The following DYNC1I1 variants were observed in gnomAD, a reference collection of about 807,000 sequenced individuals.
DYNC1I1 encodes the protein dynein cytoplasmic 1 intermediate chain 1, also known as cytoplasmic dynein 1 intermediate chain 1.
A neutral mutation model predicts 86.6 loss-of-function variants in DYNC1I1; 43 were observed. The ratio of observed to expected loss-of-function variants is 0.50; its 90% confidence interval spans 0.39 to 0.64. DYNC1I1 has a LOEUF of 0.64. Ranked by LOEUF, DYNC1I1 falls within the 30% of genes least tolerant of loss-of-function variation. The probability of loss-of-function intolerance (pLI) is 0.00; values close to 1 mark genes in which losing one functional copy is unlikely to be tolerated. For missense variants in DYNC1I1, 604 were observed against 788.8 expected (o/e 0.77, Z 2.81); for synonymous variants, 262 against 283.7 (o/e 0.92, Z 0.77).
rs1473443488 is a variant in DYNC1I1, at chr7:96,098,018, G to A, written c.*425G>A. On this transcript the variant is annotated 3_prime_UTR_variant, in exon 17 of 17. Coordinates refer to ENST00000447467, the MANE Select transcript of DYNC1I1 (RefSeq NM_001135556.2). ...TGGTACAGGGCCAAAGACTTGAGACGTGGTGTTTTACATGGTGACTCACAT... is the reference window on the plus strand; with the variant it reads ...TGGTACAGGGCCAAAGACTTGAGACATGGTGTTTTACATGGTGACTCACAT... 2.4e-5 allele frequency: 24 copies of A among 990,794 alleles called. No homozygotes were observed. Among genetic ancestry groups the A allele is most frequent in the Non-Finnish European group, 2.8e-5 (23 of 832,952 alleles). 61.4% of individuals were successfully genotyped at this position (990,794 alleles called of 1,614,324 possible).
chr7:96,082,571 T>C (rs1430817358), intron 16 of DYNC1I1, among the ~76,000 whole-genome samples: 1 of 152,220 alleles, frequency 6.6e-6, no homozygotes, highest in African/African-American at 2.4e-5. Context: ...ATCTGTTTTA[T>C]ATTTTAAAAG....
At chr7:95,932,036 A>G (rs1228701314) in intron 6 of DYNC1I1, among the ~76,000 whole-genome samples, 1 of 152,214 alleles carries the variant, frequency 6.6e-6, no homozygotes, top group African/African-American at 2.4e-5. Flanking sequence ...ATGGTATTAT[A>G]TAGTACATAT....
chr7:96,099,872 A>G (rs541635018), downstream of DYNC1I1, among the ~76,000 whole-genome samples: 1 of 152,240 alleles, frequency 6.6e-6, no homozygotes, highest in South Asian at 2.1e-4. Flanking sequence ...GGCACAATCA[A>G]TCTTGGTCCC....
intron 6 of DYNC1I1, among the ~76,000 whole-genome samples, chr7:95,940,084 T>C (rs1275432689): frequency 2.0e-5 from 3 of 152,338 alleles, no homozygotes; most frequent in Admixed American, 1.3e-4. Context: ...TATGAAATTC[T>C]GGGTTGAAAA....
intron 14 of DYNC1I1, among the ~76,000 whole-genome samples, chr7:96,049,857 C>T (rs1350283604): frequency 1.3e-5 from 2 of 151,842 alleles, no homozygotes; most frequent in Non-Finnish European, 2.9e-5. Context: ...CATGGTGAAA[C>T]CCCGTCCCTA....
chr7:95,810,358 G>A, intron 2 of DYNC1I1, 34 bp from the exon 3 acceptor site: 1 of 1,545,014 alleles, frequency 6.5e-7, no homozygotes. Flanking sequence ...ATTTAGTTAT[G>A]TTATTAACTT....
At chr7:96,043,120 G>C (rs986946003) in intron 14 of DYNC1I1, among the ~76,000 whole-genome samples, 2 of 147,368 alleles carry the variant, frequency 1.4e-5, no homozygotes, top group Non-Finnish European at 3.0e-5. Flanking sequence ...AGTGAACCGA[G>C]ATCGTGCCAC....
intron 6 of DYNC1I1, among the ~76,000 whole-genome samples, chr7:95,907,577 TTAAC>T (rs1160291121): frequency 2.0e-5 from 3 of 152,088 alleles, no homozygotes; most frequent in East Asian, 1.9e-4. Context: ...CCTCTGCTGT[TTAAC>T]TAGCCCCAAC....
rs749691258 is a variant in DYNC1I1 at position 96,080,469 on chromosome 7, G to T, written c.1757G>T (p.Trp586Leu). ...VAVGDSEGRI[W>L]VYDVGELAVP... Reference sequence around the variant, plus strand: ...GTTGGGGACTCGGAAGGCCGTATTTGGGTCTATGACGTTGGAGAGGTACGT... The same window carrying T: ...GTTGGGGACTCGGAAGGCCGTATTTTGGTCTATGACGTTGGAGAGGTACGT... The change falls in exon 16 of 17, where the codon TGG (tryptophan) becomes TTG (leucine). Residue 586 changes from tryptophan (W) to leucine (L), a missense_variant. Trp to Leu is a moderately conservative substitution (Grantham distance 61, BLOSUM62 -2). Coordinates refer to ENST00000447467, the MANE Select transcript of DYNC1I1 (RefSeq NM_001135556.2). 21 of 1,614,166 alleles carry T rather than the reference G, an allele frequency of 1.3e-5. No homozygotes were observed. Among genetic ancestry groups the T allele is most frequent in the Non-Finnish European group, 1.6e-5 (19 of 1,180,030 alleles).
chr7:96,018,584 A>G (rs1010950964), intron 10 of DYNC1I1, among the ~76,000 whole-genome samples: 1 of 152,162 alleles, frequency 6.6e-6, no homozygotes, highest in Non-Finnish European at 1.5e-5. Flanking sequence ...TCCTGACAAT[A>G]AACAAGAAAA....
chr7:95,854,672 T>TA (rs1043660689), intron 5 of DYNC1I1, among the ~76,000 whole-genome samples: 18 of 152,324 alleles, frequency 1.2e-4, no homozygotes, highest in African/African-American at 3.1e-4. Flanking sequence ...TTACTCGTGT[T>TA]AAAATAAAGA....
Position 95,828,135 on chromosome 7 carries a change from G to A in DYNC1I1, c.374+19G>A. 1 of 1,613,352 alleles carries A rather than the reference G, an allele frequency of 6.2e-7. No individual in the cohort carries two copies. The highest frequency in any genetic ancestry group is 8.5e-7 in the Non-Finnish European group (1 of 1,179,406). The stretch of plus-strand genomic sequence containing the variant: ...AACTTGGGTATATGTCTGCTCTTTT[G>A]TTACTCCTTTTATTATTTCTTTGCT... On this transcript the variant is annotated intron_variant, in intron 5 of 16. Coordinates refer to ENST00000447467, the MANE Select transcript of DYNC1I1 (RefSeq NM_001135556.2).
intron 5 of DYNC1I1, among the ~76,000 whole-genome samples, chr7:95,856,839 C>T (rs887911178): frequency 2.0e-5 from 3 of 151,980 alleles, no homozygotes; most frequent in South Asian, 4.2e-4. Context: ...ATTAGCAGGG[C>T]GTGGTGGCAG....
chr7:95,977,312 A>C lies in DYNC1I1; in HGVS notation c.491-200A>C, dbSNP rs12540849. On this transcript the variant is annotated intron_variant, in intron 6 of 16. Transcript: ENST00000447467. ...ATGGTTTTCTCAACAGCTTGGGGAA[A>C]TTTTCAAAGAGGCCCCTTTTGGAGA... Among the ~76,000 whole-genome samples, 110,012 of 151,958 alleles carry C rather than the reference A, an allele frequency of 0.72. 40,268 individuals carry two copies. The highest frequency in any genetic ancestry group is 0.87 in the East Asian group (4,483 of 5,154).
chr7:96,109,396 T>C (rs1193361409), intron 16 of DYNC1I1, among the ~76,000 whole-genome samples: 1 of 139,582 alleles, frequency 7.2e-6, no homozygotes, highest in East Asian at 2.3e-4. Context: ...CGTTGACTTC[T>C]GCTTTTCATT....
chr7:95,999,285 G>A lies in DYNC1I1; in HGVS notation c.969+3212G>A, dbSNP rs185082915. Among the ~76,000 whole-genome samples, 494 of 152,286 alleles carry A rather than the reference G, an allele frequency of 3.2e-3. 8 individuals carry two copies. Among genetic ancestry groups the A allele is most frequent in the South Asian group, 0.013 (65 of 4,824 alleles). ...ATACCTTAGAATTATCTGCGTTGAG[G>A]TAAATGTAAAAGCTATGTTTAGAGT... On this transcript the variant is annotated intron_variant, in intron 10 of 16. Transcript: ENST00000447467.
chr7:95,839,292 A>G (rs767268315), intron 5 of DYNC1I1, among the ~76,000 whole-genome samples: 21 of 152,048 alleles, frequency 1.4e-4, no homozygotes, highest in Admixed American at 7.9e-4. Flanking sequence ...CAGCCTCCTA[A>G]AGTGCTGGGA....
intron 6 of DYNC1I1, among the ~76,000 whole-genome samples, chr7:95,916,621 C>T (rs1584156880): frequency 1.3e-5 from 2 of 152,234 alleles, no homozygotes; most frequent in East Asian, 3.9e-4. Flanking sequence ...GAAATAGCTA[C>T]GATTTCACAT....
At chr7:95,852,167 A>G (rs1454722448) in intron 5 of DYNC1I1, among the ~76,000 whole-genome samples, 15 of 152,042 alleles carry the variant, frequency 9.9e-5, no homozygotes, top group Non-Finnish European at 2.2e-4. Flanking sequence ...CTTCTTTATT[A>G]CTGATTCAAT....
Sources: gnomAD v4.1 joint callset for allele counts (sites outside exome capture counted in the v4.1 genomes callset) on GRCh38, gnomAD v4.1.1 for gene constraint, MANE v1.5 for transcripts, NCBI Gene and HGNC (gene_info 2026-07-23, HGNC 2026-07-21) for gene names.